Variants in RBFOX1 observed in about 807,000 individuals in gnomAD.
RBFOX1 encodes the protein RNA binding protein fox-1 homolog 1.
Under a neutral mutation model 57.7 loss-of-function variants are expected in RBFOX1, and 8 were observed. The ratio of observed to expected loss-of-function variants is 0.14; its 90% confidence interval spans 0.08 to 0.25. The LOEUF is 0.25. Ranked by LOEUF, RBFOX1 falls within the 10% of genes least tolerant of loss-of-function variation. RBFOX1 has a pLI of 1.00. For synonymous variants in RBFOX1, 326 were observed against 222.4 expected, an observed-to-expected ratio of 1.47 and a Z score of -4.15; for missense variants, 611 against 548.5, an observed-to-expected ratio of 1.11 and a Z score of -1.14.
chr16:6,871,160 G>C (rs139171903), intron 3 of RBFOX1, among the ~76,000 whole-genome samples: 1 of 152,148 alleles, frequency 6.6e-6, no homozygotes, highest in African/African-American at 2.4e-5. Context: ...TAAACCAACT[G>C]AAGTTTAATT....
At chr16:6,802,551 C>A (rs943469740) in intron 3 of RBFOX1, among the ~76,000 whole-genome samples, 1 of 152,120 alleles carries the variant, frequency 6.6e-6, no homozygotes, top group African/African-American at 2.4e-5. Context: ...GTGGTGCACA[C>A]CTGTAATCCC....
rs764055724 is a variant in RBFOX1, at chr16:5,483,592, C to T, written c.258+16338C>T. Among the ~76,000 whole-genome samples, 25 of 152,332 alleles carry T rather than the reference C, an allele frequency of 1.6e-4. 1 individual carries two copies. The Middle Eastern group carries it at 0.017, about 104-fold the overall frequency. Reference sequence around the variant, plus strand: ...GCTCTGCATTTTGAAGTGTGAAATACGGTGAACTTGCTACCTCTGGATATG... The same window carrying T: ...GCTCTGCATTTTGAAGTGTGAAATATGGTGAACTTGCTACCTCTGGATATG... On this transcript the variant is annotated intron_variant, in intron 2 of 2. Transcript: ENST00000585867.
At chr16:6,612,606 C>G (rs1383810181) in intron 2 of RBFOX1, among the ~76,000 whole-genome samples, 1 of 152,058 alleles carries the variant, frequency 6.6e-6, no homozygotes, top group Non-Finnish European at 1.5e-5. Flanking sequence ...AATCCCAGCA[C>G]TTTGGAAGGC....
rs72766908 is a variant in RBFOX1, at chr16:5,740,190, C to G, written c.319-127113C>G. On this transcript the variant is annotated intron_variant, in intron 3 of 19. Coordinates refer to the RBFOX1 transcript ENST00000641259. ...AGGCTGACTGTCATGTCTTTACCAT[C>G]TGGGGGCTCCCTGAGGAGTTGGGGC... 9.7e-3 allele frequency among the ~76,000 whole-genome samples: 1,472 copies of G among 152,266 alleles called. 11 individuals carry two copies. The highest frequency in any genetic ancestry group is 0.017 in the Non-Finnish European group (1,128 of 68,006).
At chr16:5,379,042 A>C (rs894548754) in intron 1 of RBFOX1, among the ~76,000 whole-genome samples, 1 of 151,466 alleles carries the variant, frequency 6.6e-6, no homozygotes, top group Non-Finnish European at 1.5e-5. Context: ...TTGGCACAAA[A>C]GTAATTGCAG....
At chr16:7,292,295 G>C (rs9934072) in intron 4 of RBFOX1, among the ~76,000 whole-genome samples, 10,496 of 112,404 alleles carry the variant, frequency 0.093, 1,082 homozygotes, top group Non-Finnish European at 0.14. Flanking sequence ...TATCATATAT[G>C]ATATATGATA....
At chr16:6,419,589 G>A (rs2093719523) in intron 2 of RBFOX1, among the ~76,000 whole-genome samples, 2 of 152,190 alleles carry the variant, frequency 1.3e-5, no homozygotes, top group Admixed American at 1.3e-4. Context: ...TGGGCCCCGT[G>A]CCAATTTCAT....
chr16:5,556,011 ACT>A (rs1013840038), intron 2 of RBFOX1, among the ~76,000 whole-genome samples: 1 of 150,892 alleles, frequency 6.6e-6, no homozygotes, highest in Non-Finnish European at 1.5e-5. Flanking sequence ...AGAGAGTGAG[ACT>A]CTGTCTCAAA....
At chr16:7,159,056 C>G (rs766311465) in intron 4 of RBFOX1, among the ~76,000 whole-genome samples, 3 of 151,860 alleles carry the variant, frequency 2.0e-5, no homozygotes, top group Non-Finnish European at 2.9e-5. Context: ...AACCACTAAC[C>G]TGTTCTTCAC....
chr16:7,454,343 G>T (rs2058041753), intron 4 of RBFOX1, among the ~76,000 whole-genome samples: 1 of 152,122 alleles, frequency 6.6e-6, no homozygotes, highest in African/African-American at 2.4e-5. Context: ...GATGGGGGTG[G>T]GCCCTCTTGA....
intron 4 of RBFOX1, among the ~76,000 whole-genome samples, chr16:7,399,254 C>G (rs1403489457): frequency 6.6e-6 from 1 of 151,998 alleles, no homozygotes; most frequent in East Asian, 1.9e-4. Flanking sequence ...TTGAGACCAG[C>G]TTGACCAACA....
chr16:5,753,543 C>G (rs2053288683), intron 3 of RBFOX1, among the ~76,000 whole-genome samples: 1 of 152,188 alleles, frequency 6.6e-6, no homozygotes, highest in Admixed American at 6.5e-5. Flanking sequence ...AGGACCTCTC[C>G]TCCAGTGGTG....
At chr16:6,090,698 A>G (rs1316745666) in intron 1 of RBFOX1, among the ~76,000 whole-genome samples, 1 of 152,210 alleles carries the variant, frequency 6.6e-6, no homozygotes, top group Non-Finnish European at 1.5e-5. Flanking sequence ...TTCTTTTGAC[A>G]ACCTGCCATC....
At chr16:7,177,770 C>T (rs1442536283) in intron 4 of RBFOX1, among the ~76,000 whole-genome samples, 1 of 152,186 alleles carries the variant, frequency 6.6e-6, no homozygotes, top group Non-Finnish European at 1.5e-5. Context: ...CGCTGCAACT[C>T]CTCAACTCTT....
At chr16:5,759,623 C>T (rs74006257) in intron 3 of RBFOX1, among the ~76,000 whole-genome samples, 1 of 152,114 alleles carries the variant, frequency 6.6e-6, no homozygotes, top group Non-Finnish European at 1.5e-5. Flanking sequence ...TGTGCTAGAT[C>T]TCCATTTGGG....
intron 3 of RBFOX1, among the ~76,000 whole-genome samples, chr16:6,848,561 A>T (rs912126272): frequency 6.6e-6 from 1 of 151,990 alleles, no homozygotes; most frequent in African/African-American, 2.4e-5. Flanking sequence ...AAAAGAAGAG[A>T]TAGAAAAAAA....
At chr16:7,216,517 T>C (rs1331634334) in intron 4 of RBFOX1, among the ~76,000 whole-genome samples, 2 of 152,144 alleles carry the variant, frequency 1.3e-5, no homozygotes, top group Admixed American at 1.3e-4. Context: ...GTCTACTTCA[T>C]GGGTTATTGT....
intron 4 of RBFOX1, among the ~76,000 whole-genome samples, chr16:7,167,184 C>A: frequency 6.6e-6 from 1 of 151,292 alleles, no homozygotes; most frequent in South Asian, 2.1e-4. Context: ...AGGGATTTCT[C>A]CGTGTTGGCC....
intron 4 of RBFOX1, among the ~76,000 whole-genome samples, chr16:7,473,245 G>A (rs1430254221): frequency 6.6e-6 from 1 of 151,936 alleles, no homozygotes; most frequent in Non-Finnish European, 1.5e-5. Context: ...GGGCATGGTG[G>A]CGGGTGCCTG....
Sources: gnomAD v4.1 joint callset for allele counts (sites outside exome capture counted in the v4.1 genomes callset) on GRCh38, gnomAD v4.1.1 for gene constraint, MANE v1.5 for transcripts, NCBI Gene and HGNC (gene_info 2026-07-23, HGNC 2026-07-21) for gene names.